ZBTB7C: variants seen among roughly 807,000 people sequenced by gnomAD.
ZBTB7C encodes the protein zinc finger and BTB domain-containing protein 7C.
A neutral mutation model predicts 25.7 loss-of-function variants in ZBTB7C; 8 were observed. That is an observed-to-expected ratio of 0.31 (90% CI 0.18 to 0.56). The LOEUF (loss-of-function observed/expected upper bound fraction) is 0.56. Among genes scored for constraint, ZBTB7C ranks in the 20% least tolerant of loss-of-function variants. The probability of loss-of-function intolerance (pLI) is 0.91; values close to 1 mark genes in which losing one functional copy is unlikely to be tolerated. For synonymous variants in ZBTB7C, 394 were observed against 369.0 expected, an observed-to-expected ratio of 1.07 and a Z score of -0.78; for missense variants, 824 against 855.2, an observed-to-expected ratio of 0.96 and a Z score of 0.46.
chr18:48,386,335 G>A (rs563478827), intron 1 of ZBTB7C, among the ~76,000 whole-genome samples: 36 of 152,330 alleles, frequency 2.4e-4, no homozygotes, highest in Non-Finnish European at 4.3e-4. Flanking sequence ...AATGCTGAGC[G>A]TCCACAGGGG....
intron 3 of ZBTB7C, among the ~76,000 whole-genome samples, chr18:48,105,842 T>C (rs1013822062): frequency 6.6e-6 from 1 of 152,234 alleles, no homozygotes; most frequent in Admixed American, 6.5e-5. Flanking sequence ...TCGCAATACC[T>C]GGCTCCAGCA....
intron 2 of ZBTB7C, among the ~76,000 whole-genome samples, chr18:48,301,387 G>A (rs1294772781): frequency 6.6e-6 from 1 of 152,182 alleles, no homozygotes; most frequent in Non-Finnish European, 1.5e-5. Flanking sequence ...GCTGAAGCAG[G>A]AGAACTGCTT....
At chr18:48,235,801 T>C (rs2043364306) in intron 2 of ZBTB7C, among the ~76,000 whole-genome samples, 1 of 152,204 alleles carries the variant, frequency 6.6e-6, no homozygotes, top group Non-Finnish European at 1.5e-5. Context: ...TCAGCTGTTT[T>C]TCCAGTTTTG....
intron 2 of ZBTB7C, among the ~76,000 whole-genome samples, chr18:48,318,508 G>T (rs956673401): frequency 6.6e-6 from 1 of 152,138 alleles, no homozygotes; most frequent in African/African-American, 2.4e-5. Context: ...CTGGCATGGC[G>T]ACAGGCTGTT....
Position 48,235,097 on chromosome 18 carries a change from T to C in ZBTB7C, c.-78-49102A>G, listed in dbSNP as rs910723673. On this transcript the variant is annotated intron_variant, in intron 2 of 4. Coordinates refer to ENST00000590800, the MANE Select transcript of ZBTB7C (RefSeq NM_001318841.2). ...CTTAAAACTGCAGACAGGACTGAAC[T>C]TGAGTTTTTGTTAATCCAATCTGAC... 9.9e-5 allele frequency among the ~76,000 whole-genome samples: 15 copies of C among 152,202 alleles called. No individual in the cohort carries two copies. In the East Asian group the frequency reaches 2.5e-3, roughly 25 times the overall value.
intron 3 of ZBTB7C, among the ~76,000 whole-genome samples, chr18:48,074,442 T>A (rs1326287048): frequency 6.6e-6 from 1 of 152,210 alleles, no homozygotes; most frequent in African/African-American, 2.4e-5. Flanking sequence ...CATGGCCCTC[T>A]GGCCTGGTAC....
At chr18:48,080,961 G>C (rs546024967) in intron 3 of ZBTB7C, among the ~76,000 whole-genome samples, 1 of 152,280 alleles carries the variant, frequency 6.6e-6, no homozygotes, top group African/African-American at 2.4e-5. Flanking sequence ...ACTCACCCCT[G>C]GTTTGATCTC....
chr18:48,210,335 A>G (rs1275178154), intron 2 of ZBTB7C, among the ~76,000 whole-genome samples: 1 of 152,236 alleles, frequency 6.6e-6, no homozygotes, highest in Non-Finnish European at 1.5e-5. Flanking sequence ...CCCAAAGCAT[A>G]TATCCACATA....
chr18:48,064,014 C>A (rs191095709), intron 3 of ZBTB7C, among the ~76,000 whole-genome samples: 1 of 152,134 alleles, frequency 6.6e-6, no homozygotes, highest in African/African-American at 2.4e-5. Context: ...AATGTCAACA[C>A]AAAGTTGTAT....
intron 2 of ZBTB7C, among the ~76,000 whole-genome samples, chr18:48,303,662 G>A (rs1568364194): frequency 6.6e-6 from 1 of 152,156 alleles, no homozygotes; most frequent in Non-Finnish European, 1.5e-5. Context: ...CAATAGGCTG[G>A]GCAGAGGCCA....
chr18:48,049,423 T>C (rs942458164), intron 3 of ZBTB7C, among the ~76,000 whole-genome samples: 2 of 152,174 alleles, frequency 1.3e-5, no homozygotes, highest in Admixed American at 1.3e-4. Context: ...GATCACCTGC[T>C]TCAAGGCAGG....
intron 2 of ZBTB7C, among the ~76,000 whole-genome samples, chr18:48,275,000 C>T (rs777039461): frequency 6.6e-6 from 1 of 152,220 alleles, no homozygotes; most frequent in Non-Finnish European, 1.5e-5. Flanking sequence ...TAGGGACTTA[C>T]TCTGGGGGCT....
chr18:48,116,075 A>T (rs1479873628), intron 3 of ZBTB7C, among the ~76,000 whole-genome samples: 2 of 150,634 alleles, frequency 1.3e-5, no homozygotes, highest in East Asian at 1.9e-4. Flanking sequence ...GTGCTGCATT[A>T]AAAAAAAAGA....
At chr18:48,053,749 T>C (rs2036792354) in intron 3 of ZBTB7C, among the ~76,000 whole-genome samples, 4 of 152,178 alleles carry the variant, frequency 2.6e-5, no homozygotes, top group Admixed American at 2.6e-4. Flanking sequence ...ATGGAGCTCC[T>C]GGTCTTAAGA....
chr18:48,136,116 G>A (rs992769617), intron 3 of ZBTB7C, among the ~76,000 whole-genome samples: 6 of 152,142 alleles, frequency 3.9e-5, no homozygotes, highest in Non-Finnish European at 8.8e-5. Flanking sequence ...GGGTTAGGGG[G>A]AAGCTCTCTC....
rs966304071 is a variant in ZBTB7C at position 48,083,820 on chromosome 18, C to T, written c.-16-42697G>A. On this transcript the variant is annotated intron_variant, in intron 3 of 4. Coordinates refer to ENST00000590800, the MANE Select transcript of ZBTB7C (RefSeq NM_001318841.2). ...TTCTGATTATGAGGTTATAAAGGGC[C>T]TTATTTTAGCAACCCATATTAGGAA... is the stretch of plus-strand genomic sequence containing the variant. 8 of 985,152 alleles carry T rather than the reference C, an allele frequency of 8.1e-6. No individual in the cohort carries two copies. The African/African-American group carries it at 1.2e-4, about 15-fold the overall frequency. The allele number at this position is 985,152 out of a possible 1,614,324, so 61.0% of individuals were successfully genotyped here. A position where few individuals can be genotyped will look rare whatever the true frequency, so the allele number is the denominator to read the frequency against.
At chr18:48,032,106 T>TTTTTTA (rs1050689859) in intron 4 of ZBTB7C, among the ~76,000 whole-genome samples, 1 of 152,024 alleles carries the variant, frequency 6.6e-6, no homozygotes, top group South Asian at 2.1e-4. Context: ...TGAGGTAGGT[T>TTTTTTA]TTTTTATTTT....
intron 3 of ZBTB7C, among the ~76,000 whole-genome samples, chr18:48,181,811 CCCA>C (rs1284333311): frequency 5.9e-5 from 9 of 152,196 alleles, no homozygotes; most frequent in Non-Finnish European, 1.3e-4. Flanking sequence ...TTCAGTCACC[CCCA>C]CAATTGCCTA....
At chr18:48,335,271 G>C (rs2046434687) in intron 2 of ZBTB7C, among the ~76,000 whole-genome samples, 1 of 152,190 alleles carries the variant, frequency 6.6e-6, no homozygotes, top group Non-Finnish European at 1.5e-5. Flanking sequence ...ATTTGATTTA[G>C]GAAAATAAGA....
Sources: allele counts gnomAD v4.1 joint callset (sites outside exome capture counted in the v4.1 genomes callset), GRCh38; gene constraint gnomAD v4.1.1; transcripts MANE v1.5; gene names NCBI Gene and HGNC (gene_info 2026-07-23, HGNC 2026-07-21).